Variants in KCTD1 observed in about 807,000 individuals in gnomAD.
KCTD1 encodes the protein BTB/POZ domain-containing protein KCTD1.
Under a neutral mutation model 66.0 loss-of-function variants are expected in KCTD1, and 24 were observed. That is an observed-to-expected ratio of 0.36 (90% CI 0.26 to 0.51). KCTD1 has a LOEUF of 0.51. Among genes scored for constraint, KCTD1 ranks in the 20% least tolerant of loss-of-function variants. KCTD1 has a pLI of 0.95. For missense variants in KCTD1, 943 were observed against 1,205.2 expected, an observed-to-expected ratio of 0.78 and a Z score of 3.22; for synonymous variants, 511 against 517.2, an observed-to-expected ratio of 0.99 and a Z score of 0.16.
At chr18:26,486,828 A>G (rs111901963) in intron 2 of KCTD1, among the ~76,000 whole-genome samples, 10 of 152,356 alleles carry the variant, frequency 6.6e-5, no homozygotes, top group African/African-American at 2.2e-4. Flanking sequence ...CAAACCAGCT[A>G]TATCTATTTT....
In KCTD1 at chr18:26,455,755, C is replaced by G; in HGVS notation, c.2586G>C (p.Glu862Asp). Residue 862 changes from glutamate (E) to aspartate (D), a missense_variant, in exon 5 of 5, where the codon GAG (glutamate) becomes GAC (aspartate). Physicochemically the swap from Glu to Asp is conservative, Grantham distance 45. Around this residue, in one of 10 missense-constraint regions of KCTD1, gnomAD observed 162 missense variants for 232.4 expected, o/e 0.70. Transcript: ENST00000580059. The part of the protein sequence containing the change: ...RVPSVIRIKQ[E>D]PLD ...GAAATATGTCCATTTAGTCCAGAGG[C>G]TCTTGCTTTATCCGGATGACGGAGG... 1 of 1,614,096 alleles carries G rather than the reference C, an allele frequency of 6.2e-7. No individual in the cohort carries two copies. The highest frequency in any genetic ancestry group is 2.2e-5 in the East Asian group (1 of 44,886).
upstream of KCTD1, chr18:26,548,914 C>T: frequency 1.0e-6 from 1 of 989,552 alleles, no homozygotes; most frequent in Non-Finnish European, 1.2e-6. Flanking sequence ...ATTGCGCGGG[C>T]CCGGGCGGGA....
At position 26,547,104 on chromosome 18, in the gene KCTD1, C is replaced by A; in HGVS notation, c.1433G>T (p.Gly478Val). The A allele has an allele frequency of 6.5e-6, 10 of 1,548,470 alleles. No individual in the cohort carries two copies. The highest frequency in any genetic ancestry group is 8.7e-6 in the Non-Finnish European group (10 of 1,146,564). ...CCCGTTCAGAGCCTCGGCGTAGCAG[C>A]CCTGCGGGGCGGGCGAGCCCAGCTT... ...GTKLGSPAPQ[G>V]CYAEALNGAA... Residue 478 changes from glycine to valine, a missense_variant, in exon 1 of 5, where the codon GGC becomes GTC. By Grantham distance (109) the Gly-to-Val change is moderately radical (BLOSUM62 -3). Coordinates refer to ENST00000580059, the MANE Select transcript of KCTD1 (RefSeq NM_001142730.3).
At chr18:26,588,585 T>C (rs1986523386) in intron 1 of KCTD1, among the ~76,000 whole-genome samples, 1 of 152,156 alleles carries the variant, frequency 6.6e-6, no homozygotes, top group Non-Finnish European at 1.5e-5. Context: ...TAGGGAGCAG[T>C]TGACATTAGA....
intron 3 of KCTD1, among the ~76,000 whole-genome samples, chr18:26,465,096 C>CT (rs956842393): frequency 2.0e-5 from 3 of 152,036 alleles, no homozygotes; most frequent in African/African-American, 7.2e-5. Flanking sequence ...GGAATAATTT[C>CT]TTTTTTAATG....
chr18:26,475,443 A>G (rs7237799), intron 3 of KCTD1, among the ~76,000 whole-genome samples: 21,107 of 151,978 alleles, frequency 0.14, 2,765 homozygotes, highest in East Asian at 0.43. Flanking sequence ...AGAGATCTGC[A>G]GTTTTCTTAA....
At chr18:26,512,437 GTTTT>G (rs1229396042) in intron 1 of KCTD1, among the ~76,000 whole-genome samples, 1 of 149,776 alleles carries the variant, frequency 6.7e-6, no homozygotes, top group African/African-American at 2.5e-5. Context: ...TTTGCTTGAC[GTTTT>G]TGCATTAAAA....
chr18:26,616,957 C>A (rs1168316495), intron 1 of KCTD1, among the ~76,000 whole-genome samples: 2 of 152,168 alleles, frequency 1.3e-5, no homozygotes, highest in African/African-American at 4.8e-5. Flanking sequence ...CATATAAATT[C>A]AATTGTTTTG....
intron 3 of KCTD1, among the ~76,000 whole-genome samples, chr18:26,466,509 G>A (rs1598876942): frequency 6.6e-6 from 1 of 152,188 alleles, no homozygotes; most frequent in Non-Finnish European, 1.5e-5. Context: ...ACTCTTGGTT[G>A]TTGCAACCGG....
chr18:26,549,435 G>A (rs1985452597), upstream of KCTD1: 4 of 985,684 alleles, frequency 4.1e-6, no homozygotes, highest in South Asian at 1.9e-4. Flanking sequence ...CGCCGGTCCA[G>A]CCAGCCCCGG....
At chr18:26,517,953 A>G (rs988118819) in intron 1 of KCTD1, among the ~76,000 whole-genome samples, 5 of 152,204 alleles carry the variant, frequency 3.3e-5, no homozygotes, top group African/African-American at 1.2e-4. Context: ...GGGTCCCCCC[A>G]AGTCCCCCAA....
chr18:26,634,852 C>T (rs369707628), intron 1 of KCTD1, among the ~76,000 whole-genome samples: 51 of 152,290 alleles, frequency 3.3e-4, no homozygotes, highest in African/African-American at 1.1e-3. Context: ...GATCTGAATG[C>T]GGGCAGTCTA....
chr18:26,473,254 C>T (rs937334629), intron 3 of KCTD1, among the ~76,000 whole-genome samples: 4 of 152,104 alleles, frequency 2.6e-5, no homozygotes, highest in Non-Finnish European at 5.9e-5. Flanking sequence ...AGATCATGTC[C>T]TTGCAGGGAT....
chr18:26,546,902 T>G lies in KCTD1; in HGVS notation c.1635A>C (p.Glu545Asp), dbSNP rs1243219662. The change falls in exon 1 of 5, where the codon GAA (glutamate) becomes GAC (aspartate). Residue 545 changes from glutamate to aspartate, a missense_variant. Coordinates refer to ENST00000580059, the MANE Select transcript of KCTD1 (RefSeq NM_001142730.3). ...ALYESVFGSG[E>D]ICGPTSPKRL... Reference sequence around the variant, plus strand: ...TTTTGGGGGAAGTGGGGCCGCAGATTTCCCCCGACCCGAACACAGACTCGT... The same window carrying G: ...TTTTGGGGGAAGTGGGGCCGCAGATGTCCCCCGACCCGAACACAGACTCGT... 2 of 1,484,252 alleles carry G rather than the reference T, an allele frequency of 1.3e-6. No homozygotes were observed. Among genetic ancestry groups the G allele is most frequent in the African/African-American group, 1.4e-5 (1 of 70,808 alleles). 91.9% of individuals were successfully genotyped at this position (1,484,252 alleles called of 1,614,324 possible).
chr18:26,455,603 C>G lies in KCTD1; in HGVS notation c.*140G>C. The G allele has an allele frequency of 2.2e-6, 2 of 917,880 alleles. No homozygotes were observed. Among genetic ancestry groups the G allele is most frequent in the Non-Finnish European group, 1.7e-6 (1 of 595,576 alleles). The allele number at this position is 917,880 out of a possible 1,614,324, so 56.9% of individuals were successfully genotyped here. On this transcript the variant is annotated 3_prime_UTR_variant, in exon 5 of 5. Coordinates refer to ENST00000580059, the MANE Select transcript of KCTD1 (RefSeq NM_001142730.3). Reference sequence around the variant, plus strand: ...GTTCCCATATGAATACAGGTGTGGTCTCTATTGGATATAAATGTGTCTTTT... The same window carrying G: ...GTTCCCATATGAATACAGGTGTGGTGTCTATTGGATATAAATGTGTCTTTT...
intron 1 of KCTD1, among the ~76,000 whole-genome samples, chr18:26,513,239 A>C (rs937532238): frequency 5.0e-4 from 76 of 151,532 alleles, no homozygotes; most frequent in Non-Finnish European, 6.9e-4. Flanking sequence ...AGGCGCCCGC[A>C]ACCACGCCGG....
At chr18:26,584,435 T>C (rs1986426671) in intron 1 of KCTD1, among the ~76,000 whole-genome samples, 1 of 152,246 alleles carries the variant, frequency 6.6e-6, no homozygotes, top group Non-Finnish European at 1.5e-5. Flanking sequence ...TCTTTTAACC[T>C]TTTTTATGTG....
upstream of KCTD1, among the ~76,000 whole-genome samples, chr18:26,551,361 A>G (rs1429623024): frequency 6.6e-6 from 1 of 152,218 alleles, no homozygotes; most frequent in African/African-American, 2.4e-5. Context: ...ACGGACTTGG[A>G]AAAGCAGCAG....
intron 1 of KCTD1, among the ~76,000 whole-genome samples, chr18:26,577,460 G>A (rs1005590667): frequency 3.3e-5 from 5 of 152,164 alleles, no homozygotes; most frequent in South Asian, 2.1e-4. Context: ...AAATACAGGC[G>A]CTTATTGTGA....
Sources: allele counts gnomAD v4.1 joint callset (sites outside exome capture counted in the v4.1 genomes callset), GRCh38; gene constraint gnomAD v4.1.1; regional missense constraint gnomAD v4.1.1; transcripts MANE v1.5; gene names NCBI Gene and HGNC (gene_info 2026-07-23, HGNC 2026-07-21).